ADAMTSL1: variants seen among roughly 807,000 people sequenced by gnomAD.
The protein encoded by ADAMTSL1 is ADAMTS-like protein 1.
A neutral mutation model predicts 201.8 loss-of-function variants in ADAMTSL1; 126 were observed. The ratio of observed to expected loss-of-function variants is 0.62; its 90% CI spans 0.54 to 0.72. The LOEUF is 0.72. Ranked by LOEUF, ADAMTSL1 falls within the 30% of genes least tolerant of loss-of-function variation. The probability of loss-of-function intolerance (pLI) is 0.00; values close to 1 mark genes in which losing one functional copy is unlikely to be tolerated. For synonymous variants in ADAMTSL1, 1,121 were observed against 903.4 expected, an observed-to-expected ratio of 1.24 and a Z score of -4.32; for missense variants, 2,679 against 2,277.8, an observed-to-expected ratio of 1.18 and a Z score of -3.59.
At chr9:18,189,165 G>T (rs961266576) in intron 2 of ADAMTSL1, among the ~76,000 whole-genome samples, 5 of 152,102 alleles carry the variant, frequency 3.3e-5, no homozygotes, top group African/African-American at 4.8e-5. Flanking sequence ...CTCCACAGTT[G>T]CCAGGCTGAG....
At chr9:18,617,987 A>G (rs150018388) in intron 4 of ADAMTSL1, among the ~76,000 whole-genome samples, 3 of 152,304 alleles carry the variant, frequency 2.0e-5, no homozygotes, top group Non-Finnish European at 4.4e-5. Context: ...CAAAGTTATG[A>G]GTGGTCATTA....
At chr9:18,052,409 T>C (rs1033514784) in intron 1 of ADAMTSL1, among the ~76,000 whole-genome samples, 10 of 152,098 alleles carry the variant, frequency 6.6e-5, no homozygotes, top group African/African-American at 2.4e-4. Context: ...CCTTAAAGAA[T>C]GAGTAAGAGT....
intron 2 of ADAMTSL1, among the ~76,000 whole-genome samples, chr9:18,442,539 A>C (rs1820036174): frequency 6.6e-6 from 1 of 152,222 alleles, no homozygotes; most frequent in Non-Finnish European, 1.5e-5. Flanking sequence ...TGTCTTCAAA[A>C]AGAAGGAAAA....
At chr9:18,720,408 G>A (rs2133417062) in intron 14 of ADAMTSL1, among the ~76,000 whole-genome samples, 1 of 152,220 alleles carries the variant, frequency 6.6e-6, no homozygotes, top group Admixed American at 6.5e-5. Flanking sequence ...GTTAATAATG[G>A]GCATCCTGTA....
intron 2 of ADAMTSL1, among the ~76,000 whole-genome samples, chr9:18,257,541 G>T (rs559299273): frequency 6.6e-6 from 1 of 152,364 alleles, no homozygotes; most frequent in Non-Finnish European, 1.5e-5. Flanking sequence ...ATGTGTGGGT[G>T]ATGATATGGA....
chr9:18,051,173 C>CAT (rs1821920473), intron 1 of ADAMTSL1, among the ~76,000 whole-genome samples: 1 of 152,000 alleles, frequency 6.6e-6, no homozygotes, highest in Non-Finnish European at 1.5e-5. Flanking sequence ...TGGTGGCGGG[C>CAT]GCCTGTAGCC....
intron 1 of ADAMTSL1, among the ~76,000 whole-genome samples, chr9:17,970,076 T>C (rs1243932705): frequency 6.6e-6 from 1 of 152,096 alleles, no homozygotes; most frequent in Non-Finnish European, 1.5e-5. Flanking sequence ...AGATGCCTGC[T>C]CTATGTTTCT....
chr9:18,287,592 TAC>T (rs61354234), intron 2 of ADAMTSL1, among the ~76,000 whole-genome samples: 9,404 of 93,318 alleles, frequency 0.1, 1,180 homozygotes, highest in African/African-American at 0.29. Context: ...TGTGTATATA[TAC>T]ACACATATAT....
chr9:18,825,237 A>G (rs1824473376), intron 21 of ADAMTSL1, among the ~76,000 whole-genome samples: 1 of 152,168 alleles, frequency 6.6e-6, no homozygotes, highest in African/African-American at 2.4e-5. Context: ...GTTTTCCAGC[A>G]TGTCAACCAC....
At chr9:18,657,603 G>T (rs375693358) in intron 7 of ADAMTSL1, 36 bp from the exon 8 acceptor site, 1 of 1,526,832 alleles carries the variant, frequency 6.5e-7, no homozygotes, top group East Asian at 2.2e-5. Context: ...GCACCGCACT[G>T]TCACATTACT....
intron 1 of ADAMTSL1, among the ~76,000 whole-genome samples, chr9:18,502,062 C>G (rs1390160973): frequency 6.6e-6 from 1 of 152,204 alleles, no homozygotes; most frequent in Non-Finnish European, 1.5e-5. Flanking sequence ...TACCAAATAT[C>G]TTACCCAGAG....
chr9:18,110,063 G>A (rs1824937341), intron 1 of ADAMTSL1, among the ~76,000 whole-genome samples: 1 of 152,050 alleles, frequency 6.6e-6, no homozygotes, highest in Admixed American at 6.6e-5. Context: ...CAGACAAAGG[G>A]CCCTAGCTTC....
chr9:18,328,322 A>G (rs1382535475), intron 2 of ADAMTSL1, among the ~76,000 whole-genome samples: 3 of 152,214 alleles, frequency 2.0e-5, no homozygotes, highest in Non-Finnish European at 4.4e-5. Context: ...AACACAATGC[A>G]TTATAATCAG....
At chr9:17,969,649 T>C (rs1818127939) in intron 1 of ADAMTSL1, among the ~76,000 whole-genome samples, 1 of 152,090 alleles carries the variant, frequency 6.6e-6, no homozygotes, top group Non-Finnish European at 1.5e-5. Context: ...AGCAGTATAC[T>C]AAATGAGCTA....
chr9:18,739,419 T>G (rs714875), intron 15 of ADAMTSL1, among the ~76,000 whole-genome samples: 5,423 of 152,222 alleles, frequency 0.036, 111 homozygotes, highest in African/African-American at 0.056. Context: ...CAAGTGTGTT[T>G]AAAAATAGTG....
intron 1 of ADAMTSL1, among the ~76,000 whole-genome samples, chr9:18,104,123 T>C (rs1360007842): frequency 6.6e-6 from 1 of 152,208 alleles, no homozygotes; most frequent in East Asian, 1.9e-4. Flanking sequence ...AATCTCTTTA[T>C]TTCATGAAAA....
chr9:18,321,791 T>C (rs1410352917), intron 2 of ADAMTSL1, among the ~76,000 whole-genome samples: 5 of 152,044 alleles, frequency 3.3e-5, no homozygotes, highest in Non-Finnish European at 7.4e-5. Flanking sequence ...AGACTCCATG[T>C]CAAAAAAACC....
chr9:18,514,975 A>G (rs895318679), intron 2 of ADAMTSL1, among the ~76,000 whole-genome samples: 9 of 152,228 alleles, frequency 5.9e-5, no homozygotes, highest in South Asian at 2.1e-4. Context: ...AGTTCACATC[A>G]TGAAAGATGT....
chr9:18,754,219 A>C (rs1819619747), intron 16 of ADAMTSL1, among the ~76,000 whole-genome samples: 2 of 152,254 alleles, frequency 1.3e-5, no homozygotes, highest in South Asian at 4.1e-4. Context: ...AATATGTGCT[A>C]TCCCTTTACA....
Sources: allele counts gnomAD v4.1 joint callset (sites outside exome capture counted in the v4.1 genomes callset), GRCh38; gene constraint gnomAD v4.1.1; transcripts MANE v1.5; gene names NCBI Gene and HGNC (gene_info 2026-07-23, HGNC 2026-07-21).